The following PPME1 variants were observed in gnomAD, a reference collection of about 807,000 sequenced individuals.
The protein encoded by PPME1 is protein phosphatase methylesterase 1.
In PPME1, 17 loss-of-function variants were observed where a neutral mutation model predicts 56.9. The ratio of observed to expected loss-of-function variants is 0.30; its 90% confidence interval spans 0.20 to 0.45. The LOEUF is 0.45. Among genes scored for constraint, PPME1 ranks in the 20% least tolerant of loss-of-function variants. The pLI is 1.00. For missense variants in PPME1, 357 were observed against 483.2 expected (o/e 0.74, Z 2.45); for synonymous variants, 122 against 156.2 (o/e 0.78, Z 1.63).
At chr11:74,229,582 AC>A (rs1859016814) in intron 5 of PPME1, among the ~76,000 whole-genome samples, 1 of 152,206 alleles carries the variant, frequency 6.6e-6, no homozygotes, top group African/African-American at 2.4e-5. Context: ...CACTGTACTT[AC>A]ATTTATGTTC....
At chr11:74,172,715 TCAAA>T (rs1233419489) in intron 1 of PPME1, among the ~76,000 whole-genome samples, 1 of 152,134 alleles carries the variant, frequency 6.6e-6, no homozygotes, top group African/African-American at 2.4e-5. Context: ...ATTTGTAGTT[TCAAA>T]CAGGATTCTG....
intron 1 of PPME1, among the ~76,000 whole-genome samples, chr11:74,181,970 T>A (rs1253670274): frequency 1.3e-5 from 2 of 152,160 alleles, no homozygotes; most frequent in Non-Finnish European, 2.9e-5. Context: ...GTCTCTCTTC[T>A]CCCCCTGCCC....
chr11:74,204,607 A>G (rs1023658676), intron 3 of PPME1, among the ~76,000 whole-genome samples, 162 bp downstream of exon 3: 21 of 152,206 alleles, frequency 1.4e-4, no homozygotes, highest in African/African-American at 5.1e-4. Context: ...TGTCTGAAGA[A>G]CAAAGAGAAG....
intron 1 of PPME1, among the ~76,000 whole-genome samples, chr11:74,199,602 G>A (rs1444806251): frequency 6.6e-6 from 1 of 152,164 alleles, no homozygotes; most frequent in Non-Finnish European, 1.5e-5. Flanking sequence ...AGTCTCCCAA[G>A]TAGCTGGGAC....
intron 1 of PPME1, among the ~76,000 whole-genome samples, chr11:74,199,770 C>T (rs1045464905): frequency 1.3e-5 from 2 of 152,146 alleles, no homozygotes; most frequent in Non-Finnish European, 2.9e-5. Context: ...GCTGGGGAGG[C>T]ATCACAATCA....
At chr11:74,200,180 A>T (rs1858115292) in intron 1 of PPME1, among the ~76,000 whole-genome samples, 1 of 152,240 alleles carries the variant, frequency 6.6e-6, no homozygotes, top group Non-Finnish European at 1.5e-5. Flanking sequence ...TCTAGGCATA[A>T]AATAAGAAAC....
At chr11:74,185,025 A>C in intron 1 of PPME1, among the ~76,000 whole-genome samples, 1 of 117,416 alleles carries the variant, frequency 8.5e-6, no homozygotes, top group African/African-American at 3.2e-5. Flanking sequence ...TTTGAGACAG[A>C]GTCTCACTCT....
chr11:74,251,901 T>C (rs1859679784), intron 13 of PPME1, 186 bp downstream of exon 13: 1 of 826,486 alleles, frequency 1.2e-6, no homozygotes, highest in East Asian at 2.5e-5. Flanking sequence ...TGTTTCTTTG[T>C]GCTGTGCTCC....
rs373715641 is a variant in PPME1, at chr11:74,230,369, T to C, written c.523T>C (p.Leu175=). 122 of 1,613,754 alleles carry C rather than the reference T, an allele frequency of 7.6e-5. No individual in the cohort carries two copies. The highest frequency in any genetic ancestry group is 9.6e-5 in the Non-Finnish European group (113 of 1,179,812). ...TASSNLVPSL[L]GLCMIDVVEG... Reference sequence around the variant, plus strand: ...ATCATCCAACCTGGTACCAAGCCTCTTGGGTCTGTGCATGATTGATGTTGT... The same window carrying C: ...ATCATCCAACCTGGTACCAAGCCTCCTGGGTCTGTGCATGATTGATGTTGT... Residue 175 remains leucine, a synonymous_variant, in exon 6 of 14, where the codon TTG becomes CTG. Transcript: ENST00000328257. This position sits in a 1 kb window ranked among gnomAD's most constrained non-coding sequence, Gnocchi z 4.9.
chr11:74,173,723 G>A (rs1857341669), intron 1 of PPME1, among the ~76,000 whole-genome samples: 1 of 152,088 alleles, frequency 6.6e-6, no homozygotes, highest in Non-Finnish European at 1.5e-5. Flanking sequence ...TGTATTTTTA[G>A]TAGAGAGGGG....
chr11:74,206,449 G>A (rs957027290), intron 3 of PPME1, among the ~76,000 whole-genome samples: 1 of 152,126 alleles, frequency 6.6e-6, no homozygotes, highest in African/African-American at 2.4e-5. Context: ...GTCTAGAGAA[G>A]AGCAATCAAG....
chr11:74,177,639 C>T (rs75516400), intron 1 of PPME1, among the ~76,000 whole-genome samples: 3,532 of 152,028 alleles, frequency 0.023, 129 homozygotes, highest in African/African-American at 0.08. Flanking sequence ...TGAGGATTTT[C>T]GTGGTTCCTC....
intron 7 of PPME1, among the ~76,000 whole-genome samples, chr11:74,233,236 C>T (rs1488115115): frequency 6.6e-6 from 1 of 152,084 alleles, no homozygotes; most frequent in East Asian, 1.9e-4. Flanking sequence ...AGTCTTGTTT[C>T]TTTTGCCAGA....
rs555052806 is a variant in PPME1, at chr11:74,243,783, CT to C, written c.835-2279del. Among the ~76,000 whole-genome samples the C allele has an allele frequency of 3.1e-3, 433 of 139,732 alleles. 1 individual carries two copies. Among genetic ancestry groups the C allele is most frequent in the Middle Eastern group, 7.6e-3 (2 of 264 alleles). The allele number at this position is 139,732 out of a possible 152,430, so 91.7% of individuals were successfully genotyped here. Reference sequence around the variant, plus strand: ...TCTTTTTCTTTTCCTTTCTTTCTTTCTTTTTTTTTTTTTTACTGTGATAAAA... The same window carrying C: ...TCTTTTTCTTTTCCTTTCTTTCTTTCTTTTTTTTTTTTTACTGTGATAAAA... On this transcript the variant is annotated intron_variant, in intron 9 of 13. Transcript: ENST00000328257.
chr11:74,249,316 G>T (rs1378072208), intron 11 of PPME1: 1 of 152,210 alleles, frequency 6.6e-6, no homozygotes, highest in Non-Finnish European at 1.5e-5. Context: ...CCTATTCATA[G>T]TACCCCTTGG....
At chr11:74,250,672 C>T (rs1014961867) in intron 11 of PPME1, 2 of 366,570 alleles carry the variant, frequency 5.5e-6, no homozygotes, top group Non-Finnish European at 1.0e-5. Context: ...CCCTACTGGA[C>T]TGTAAATCCC....
intron 9 of PPME1, among the ~76,000 whole-genome samples, chr11:74,239,598 A>G (rs561672141): frequency 7.4e-6 from 1 of 134,410 alleles, no homozygotes; most frequent in African/African-American, 2.8e-5. Flanking sequence ...TTTTTTTGAG[A>G]CAGAGTCTTG....
At chr11:74,212,399 C>T (rs1858502605) in intron 3 of PPME1, among the ~76,000 whole-genome samples, 1 of 152,240 alleles carries the variant, frequency 6.6e-6, no homozygotes, top group South Asian at 2.1e-4. Flanking sequence ...TCCTGGGGTC[C>T]TAAATAAACT....
chr11:74,241,289 T>G (rs1442895218), intron 9 of PPME1, among the ~76,000 whole-genome samples: 1 of 152,198 alleles, frequency 6.6e-6, no homozygotes, highest in Non-Finnish European at 1.5e-5. Flanking sequence ...ATTATCAGGG[T>G]TCATCCATAT....
Sources: allele counts gnomAD v4.1 joint callset (sites outside exome capture counted in the v4.1 genomes callset), GRCh38; gene constraint gnomAD v4.1.1; non-coding constraint Gnocchi (gnomAD v3.1); transcripts MANE v1.5; gene names NCBI Gene and HGNC (gene_info 2026-07-23, HGNC 2026-07-21).